Variants in PRCP observed in about 807,000 individuals in gnomAD.
The protein encoded by PRCP is prolylcarboxypeptidase.
Under a neutral mutation model 54.2 loss-of-function variants are expected in PRCP, and 46 were observed. That is an observed-to-expected ratio of 0.85 (90% CI 0.67 to 1.09). The LOEUF (loss-of-function observed/expected upper bound fraction) is 1.09. Ranked by LOEUF, PRCP falls within the 50% of genes least tolerant of loss-of-function variation. PRCP has a pLI of 0.00. For missense variants in PRCP, 613 were observed against 596.8 expected (o/e 1.03, Z -0.28); for synonymous variants, 240 against 212.2 (o/e 1.13, Z -1.14).
intron 5 of PRCP, 151 bp downstream of exon 5, chr11:82,849,763 G>T: frequency 1.5e-6 from 1 of 680,844 alleles, no homozygotes; most frequent in Non-Finnish European, 2.1e-6. Context: ...AATTCATCAA[G>T]CTACGCATTT....
At chr11:82,859,935 A>T (rs769702220) in intron 2 of PRCP, 42 bp downstream of exon 2, 1 of 1,515,388 alleles carries the variant, frequency 6.6e-7, no homozygotes, top group Non-Finnish European at 8.8e-7. Flanking sequence ...TATCATAATA[A>T]AAGTCAAATT....
At chr11:82,884,163 C>T (rs951975053) in intron 1 of PRCP, among the ~76,000 whole-genome samples, 13 of 152,226 alleles carry the variant, frequency 8.5e-5, no homozygotes, top group Non-Finnish European at 1.6e-4. Context: ...TGCTGAATCA[C>T]AGCCATTGTT....
At chr11:82,862,389 G>C (rs1859226736) in intron 1 of PRCP, among the ~76,000 whole-genome samples, 1 of 152,160 alleles carries the variant, frequency 6.6e-6, no homozygotes, top group East Asian at 1.9e-4. Flanking sequence ...TGAGCCTTTA[G>C]CATCATGGGG....
At chr11:82,894,776 C>T (rs902187014) in intron 1 of PRCP, among the ~76,000 whole-genome samples, 31 of 152,122 alleles carry the variant, frequency 2.0e-4, no homozygotes, top group Admixed American at 6.5e-5. Flanking sequence ...ATTTAAAACT[C>T]AGCTATCAGA....
intron 1 of PRCP, among the ~76,000 whole-genome samples, chr11:82,879,508 C>T (rs12281868): frequency 0.25 from 38,468 of 152,092 alleles, 5,244 homozygotes; most frequent in Admixed American, 0.31. Flanking sequence ...TTGTTATTGC[C>T]AATCATCTGA....
chr11:82,830,640 A>G (rs1858356888), intron 8 of PRCP: 1 of 150,286 alleles, frequency 6.7e-6, no homozygotes. Context: ...AAAAAAAAAA[A>G]AAAAAAAAAA....
chr11:82,875,978 CCT>C (rs1859595201), intron 1 of PRCP, among the ~76,000 whole-genome samples: 1 of 152,164 alleles, frequency 6.6e-6, no homozygotes, highest in South Asian at 2.1e-4. Flanking sequence ...GGAATGCATT[CCT>C]CTCTCGCATC....
chr11:82,900,210 C>G, intron 1 of PRCP, 25 bp downstream of exon 1: 1 of 1,612,222 alleles, frequency 6.2e-7, no homozygotes, highest in Non-Finnish European at 8.5e-7. Flanking sequence ...GGGCCTGGGA[C>G]GGCGAAGCCC....
At chr11:82,900,207 G>C in intron 1 of PRCP, 28 bp downstream of exon 1, 1 of 1,612,384 alleles carries the variant, frequency 6.2e-7, no homozygotes, top group South Asian at 1.1e-5. Flanking sequence ...GTTGGGCCTG[G>C]GACGGCGAAG....
At position 82,838,545 on chromosome 11, in the gene PRCP, A is replaced by G; in HGVS notation, c.1116T>C (p.Cys372=). The G allele has an allele frequency of 6.2e-7, 1 of 1,613,986 alleles. No individual in the cohort carries two copies. The change falls in exon 8 of 9, where the codon TGT becomes TGC. Residue 372 remains cysteine (C), a synonymous_variant. Coordinates refer to ENST00000313010, the MANE Select transcript of PRCP (RefSeq NM_005040.4). ...QACTEVVMPF[C]TNGVDDMFEP... ...CAAACATGTCATCGACACCATTAGT[A>G]CAAAAGGGCATGACTACTTCTGTGC... is the stretch of plus-strand genomic sequence containing the variant.
At chr11:82,834,365 T>C (rs771450594) in intron 8 of PRCP, among the ~76,000 whole-genome samples, 1 of 152,230 alleles carries the variant, frequency 6.6e-6, no homozygotes, top group African/African-American at 2.4e-5. Context: ...TTTGGCACAA[T>C]TTCCTTAAAC....
intron 1 of PRCP, among the ~76,000 whole-genome samples, chr11:82,899,448 C>T (rs1471703990): frequency 2.0e-5 from 3 of 152,208 alleles, no homozygotes; most frequent in Non-Finnish European, 4.4e-5. Context: ...CTAATCCCAA[C>T]CTTTTCCAAA....
intron 8 of PRCP, chr11:82,830,146 AAAAT>A (rs1858341314): frequency 6.6e-6 from 1 of 152,236 alleles, no homozygotes; most frequent in Non-Finnish European, 1.5e-5. Context: ...AATATATGTG[AAAAT>A]AAATAAACTA....
At chr11:82,831,644 G>T (rs766698883) in intron 8 of PRCP, among the ~76,000 whole-genome samples, 1 of 151,944 alleles carries the variant, frequency 6.6e-6, no homozygotes, top group Non-Finnish European at 1.5e-5. Context: ...ATCACACTTG[G>T]ATTCATGTGA....
rs1859069102 is a variant in PRCP, at chr11:82,855,813, C to G, written c.310-2535G>C. 2.0e-5 allele frequency among the ~76,000 whole-genome samples: 3 copies of G among 152,154 alleles called. No individual in the cohort carries two copies. The South Asian group carries it at 6.2e-4, about 32-fold the overall frequency. ...AACCACAATGAGATACCATCTCATA[C>G]CAGTTAGGATGGCTATTATTAAAAA... On this transcript the variant is annotated intron_variant, in intron 2 of 8. Coordinates refer to ENST00000313010, the MANE Select transcript of PRCP (RefSeq NM_005040.4).
At chr11:82,885,569 C>A (rs1355404905) in intron 1 of PRCP, among the ~76,000 whole-genome samples, 1 of 152,074 alleles carries the variant, frequency 6.6e-6, no homozygotes, top group Non-Finnish European at 1.5e-5. Context: ...TTATTCTAAA[C>A]AACATGTTAA....
intron 1 of PRCP, chr11:82,899,971 T>G: frequency 2.2e-6 from 1 of 459,778 alleles, no homozygotes; most frequent in South Asian, 2.4e-5. Context: ...CAGAGGGAGT[T>G]GAAGTGACTG....
intron 8 of PRCP, chr11:82,831,288 G>GC (rs1446162308): frequency 6.6e-6 from 1 of 151,972 alleles, no homozygotes; most frequent in African/African-American, 2.4e-5. Flanking sequence ...CCCCCAAAAA[G>GC]CAACTGTGGA....
At chr11:82,882,777 G>C (rs1859779961) in intron 1 of PRCP, among the ~76,000 whole-genome samples, 1 of 147,806 alleles carries the variant, frequency 6.8e-6, no homozygotes, top group African/African-American at 2.7e-5. Flanking sequence ...TTACAGGCGT[G>C]AGCCACCGCG....
Sources: gnomAD v4.1 joint callset for allele counts (sites outside exome capture counted in the v4.1 genomes callset) on GRCh38, gnomAD v4.1.1 for gene constraint, MANE v1.5 for transcripts, NCBI Gene and HGNC (gene_info 2026-07-23, HGNC 2026-07-21) for gene names.